ANKRD24: variants seen among roughly 807,000 people sequenced by gnomAD.
ANKRD24 encodes the protein ankyrin repeat domain 24.
ANKRD24 carries 109 observed loss-of-function variants against 127.8 expected under a neutral mutation model. The observed-to-expected ratio is 0.85, with a 90% confidence interval of 0.73 to 1.00. The LOEUF (loss-of-function observed/expected upper bound fraction) is 1.00. Ranked by LOEUF, ANKRD24 falls within the 50% of genes least tolerant of loss-of-function variation. ANKRD24 has a pLI of 0.00. For missense variants in ANKRD24, 1,648 were observed against 1,570.2 expected (o/e 1.05, Z -0.84); for synonymous variants, 743 against 671.1 (o/e 1.11, Z -1.66).
At position 4,184,793 on chromosome 19, in the gene ANKRD24, G is replaced by A. The variant is rs75344207; in HGVS notation, c.-36-1597G>A. Among the ~76,000 whole-genome samples, 694 of 150,256 alleles carry A rather than the reference G, an allele frequency of 4.6e-3. 7 individuals carry two copies. The highest frequency in any genetic ancestry group is 0.016 in the African/African-American group (662 of 40,836). Reference sequence around the variant, plus strand: ...AATGGATGGGTGGGTGGATGGATGGGGGGCGAATAGGTGGATTGGTGGTTT... The same window carrying A: ...AATGGATGGGTGGGTGGATGGATGGAGGGCGAATAGGTGGATTGGTGGTTT... On this transcript the variant is annotated intron_variant, in intron 1 of 21. Coordinates refer to ENST00000318934, the MANE Select transcript of ANKRD24 (RefSeq NM_001393985.1).
rs370271902 is a variant in ANKRD24 at position 4,222,745 on chromosome 19, G to T, written c.3247G>T (p.Glu1083Ter). Residue 1083 changes from glutamate (E) to a stop codon, truncating the protein, a stop_gained, in exon 20 of 22, where the codon GAG becomes TAG. Coordinates refer to ENST00000318934, the MANE Select transcript of ANKRD24 (RefSeq NM_001393985.1). LOFTEE classifies it high-confidence loss of function. ...GCAGCCGGCCGCCCTCGCCACCCCT[G>T]AGGTGGAGGCTCTCCGTGACCAGGT... is the stretch of plus-strand genomic sequence containing the variant. ...KEQPAALATP[E>*]VEALRDQVKD... 1.2e-5 allele frequency: 19 copies of T among 1,611,876 alleles called. No individual in the cohort carries two copies. Among genetic ancestry groups the T allele is most frequent in the Non-Finnish European group, 1.4e-5 (17 of 1,178,712 alleles).
At chr19:4,192,303 A>G (rs1382861329) in intron 2 of ANKRD24, among the ~76,000 whole-genome samples, 1 of 151,884 alleles carries the variant, frequency 6.6e-6, no homozygotes, top group Non-Finnish European at 1.5e-5. Flanking sequence ...GACTCCATAC[A>G]TCAATGCTTC....
chr19:4,224,342 C>A, intron 21 of ANKRD24, 86 bp from the exon 22 acceptor site: 1 of 1,487,288 alleles, frequency 6.7e-7, no homozygotes. Context: ...TCCCTCCTGG[C>A]TGGCTTGGTC....
At chr19:4,188,066 C>T (rs1968167816) in intron 2 of ANKRD24, among the ~76,000 whole-genome samples, 1 of 152,106 alleles carries the variant, frequency 6.6e-6, no homozygotes. Context: ...GCCTGGATTT[C>T]ATTTTTTATT....
Position 4,198,742 on chromosome 19 carries a change from A to T in ANKRD24, c.37-941A>T, listed in dbSNP as rs1328716487. On this transcript the variant is annotated intron_variant, in intron 2 of 21. Coordinates refer to ENST00000318934, the MANE Select transcript of ANKRD24 (RefSeq NM_001393985.1). The surrounding 1 kb of genome is among the most constrained non-coding windows in gnomAD (Gnocchi z 6.1). ...GAGACATGTGGACACGTTTTGGAAG[A>T]CTCTTTGAAACAAATGGGGACATTT... 6.6e-6 allele frequency among the ~76,000 whole-genome samples: 1 copy of T among 151,760 alleles called. No individual in the cohort carries two copies. The highest frequency in any genetic ancestry group is 1.9e-4 in the East Asian group (1 of 5,156).
rs778596061 is a variant in ANKRD24 at position 4,217,369 on chromosome 19, C to T, written c.2209C>T (p.Arg737Trp). Reference sequence around the variant, plus strand: ...GATCCGTGGCTTGGAGGAGGCTCTCCGGCAGCGGGAGCGGGAGGCAGCTGC... The same window carrying T: ...GATCCGTGGCTTGGAGGAGGCTCTCTGGCAGCGGGAGCGGGAGGCAGCTGC... ...TRIRGLEEAL[R>W]QREREAAAEL... Residue 737 changes from arginine to tryptophan, a missense_variant, in exon 18 of 22, where the codon CGG (arginine) becomes TGG (tryptophan). Transcript: ENST00000318934. 2.3e-5 allele frequency: 36 copies of T among 1,550,862 alleles called. No individual in the cohort carries two copies. In the African/African-American group the frequency reaches 3.8e-4, roughly 17 times the overall value.
intron 21 of ANKRD24, 45 bp downstream of exon 21, chr19:4,224,237 A>C (rs1247184732): frequency 6.4e-7 from 1 of 1,558,298 alleles, no homozygotes; most frequent in African/African-American, 1.4e-5. Context: ...TGGGCATACC[A>C]CTGTTGCTCT....
chr19:4,201,699 CAT>C lies in ANKRD24; in HGVS notation c.344-325_344-324del, dbSNP rs369009730. ...AGGAGTTCAAGACGAGCTTGGGCAA[CAT>C]AGCAAGACTCCTGTCTCTACAGAAA... On this transcript the variant is annotated intron_variant, in intron 5 of 21. Transcript: ENST00000318934. 1.6e-4 allele frequency among the ~76,000 whole-genome samples: 25 copies of C among 152,050 alleles called. No homozygotes were observed. The East Asian group carries it at 4.8e-3, about 29-fold the overall frequency.
Position 4,216,126 on chromosome 19 carries a change from G to A in ANKRD24, c.1270+76G>A. 2.0e-6 allele frequency: 3 copies of A among 1,484,424 alleles called. No individual in the cohort carries two copies. The South Asian group carries it at 3.6e-5, about 18-fold the overall frequency. 92.0% of individuals were successfully genotyped at this position (1,484,424 alleles called of 1,614,324 possible). A position where few individuals can be genotyped will look rare whatever the true frequency, so the allele number is the denominator to read the frequency against. On this transcript the variant is annotated intron_variant, in intron 16 of 21. Transcript: ENST00000318934. ...CTGGAAGACGGAGCCTCTGGGTGTG[G>A]GGGAGTTTGAAGCTGGGAGGGAGGT...
chr19:4,184,010 G>A (rs1460973425), intron 1 of ANKRD24, among the ~76,000 whole-genome samples: 2 of 152,230 alleles, frequency 1.3e-5, no homozygotes, highest in Non-Finnish European at 2.9e-5. Flanking sequence ...GGAACAGCAA[G>A]TGCAAAGGCT....
Position 4,202,886 on chromosome 19 carries a change from C to T in ANKRD24, c.426C>T (p.Asp142=), listed in dbSNP as rs773316878. 8.5e-5 allele frequency: 136 copies of T among 1,590,972 alleles called. No individual in the cohort carries two copies. Among genetic ancestry groups the T allele is most frequent in the Non-Finnish European group, 1.1e-4 (129 of 1,169,088 alleles). ...KQLLQASCVV[D]VVDSSGWTAL... is the part of the protein sequence containing the mutation. ...ATCCCCAGGCTTCCTGCGTGGTGGACGTCGTGGACAGCAGCGGGTGGACTG... is the reference window on the plus strand; with the variant it reads ...ATCCCCAGGCTTCCTGCGTGGTGGATGTCGTGGACAGCAGCGGGTGGACTG... Residue 142 remains aspartate, a synonymous_variant, in exon 7 of 22, where the codon GAC becomes GAT. Transcript: ENST00000318934.
At chr19:4,183,956 C>T (rs891866846) in intron 1 of ANKRD24, among the ~76,000 whole-genome samples, 1 of 151,962 alleles carries the variant, frequency 6.6e-6, no homozygotes, top group African/African-American at 2.4e-5. Context: ...CAGGTAGAGC[C>T]GGTTGGGGTG....
chr19:4,213,456 CTTTTT>C (rs769606619), intron 15 of ANKRD24, among the ~76,000 whole-genome samples: 1 of 118,658 alleles, frequency 8.4e-6, no homozygotes, highest in African/African-American at 3.5e-5. Context: ...ATCCTTCCTT[CTTTTT>C]TTTTTTTTTT....
Position 4,199,400 on chromosome 19 carries a change from C to CG in ANKRD24, c.37-279dup, listed in dbSNP as rs1968954130. On this transcript the variant is annotated intron_variant, in intron 2 of 21. Transcript: ENST00000318934. The surrounding 1 kb of genome is among the most constrained non-coding windows in gnomAD (Gnocchi z 5.2). ...TGATGATTTTTATTTTTTGTAGAGA[C>CG]GGGGTCCTACTATGGTGCCCAGGTT... The CG allele has an allele frequency of 5.2e-6, 3 of 578,202 alleles. No homozygotes were observed. Among genetic ancestry groups the CG allele is most frequent in the Non-Finnish European group, 6.5e-6 (3 of 458,236 alleles). 35.8% of individuals were successfully genotyped at this position (578,202 alleles called of 1,614,324 possible).
Position 4,217,829 on chromosome 19 carries a change from C to T in ANKRD24, c.2669C>T (p.Ala890Val). Reference sequence around the variant, plus strand: ...GAGGCCCGAGTGGCTGAGCTGCCTGCGGCCTGCGAGGAGGCGCGGCAGGGC... The same window carrying T: ...GAGGCCCGAGTGGCTGAGCTGCCTGTGGCCTGCGAGGAGGCGCGGCAGGGC... ...AAEARVAELPAACEEARQGLA... is the reference protein window; with the variant it reads ...AAEARVAELPVACEEARQGLA... Residue 890 changes from alanine to valine, a missense_variant, in exon 18 of 22, where the codon GCG becomes GTG. Physicochemically the swap from Ala to Val is moderately conservative, Grantham distance 64. Transcript: ENST00000318934. 2.1e-6 allele frequency: 3 copies of T among 1,416,118 alleles called. No homozygotes were observed. Among genetic ancestry groups the T allele is most frequent in the South Asian group, 1.4e-5 (1 of 71,458 alleles). 87.7% of individuals were successfully genotyped at this position (1,416,118 alleles called of 1,614,324 possible).
In ANKRD24 at chr19:4,207,506, C is replaced by G; in HGVS notation, c.543C>G (p.Gly181=). The G allele has an allele frequency of 6.2e-7, 1 of 1,613,756 alleles. No homozygotes were observed. Among genetic ancestry groups the G allele is most frequent in the East Asian group, 2.2e-5 (1 of 44,876 alleles). Residue 181 remains glycine (G), a synonymous_variant, in exon 9 of 22, where the codon GGC becomes GGG. Transcript: ENST00000318934. ...TCCCTCCTCCTCCCTACCAGTCAGG[C>G]GCAACACCCCTCATTATAGCAGCTC... ...KAHLNPQDRS[G]ATPLIIAAQM...
chr19:4,221,578 T>G (rs1392395516), intron 19 of ANKRD24, among the ~76,000 whole-genome samples: 1 of 152,140 alleles, frequency 6.6e-6, no homozygotes, highest in Non-Finnish European at 1.5e-5. Context: ...ACCAAAGCTT[T>G]AAGAGATGAA....
At position 4,201,986 on chromosome 19, in the gene ANKRD24, G is replaced by A; in HGVS notation, c.344-40G>A. ...CTTGGGGAGCAGCTGGGAGCTACTT[G>A]AATAGCTGGAGCTCCAGTAAATCTT... On this transcript the variant is annotated intron_variant, in intron 5 of 21. Transcript: ENST00000318934. The A allele has an allele frequency of 1.9e-6, 3 of 1,587,020 alleles. No individual in the cohort carries two copies. The South Asian group carries it at 3.3e-5, about 18-fold the overall frequency.
chr19:4,187,284 G>A (rs1198314975), intron 2 of ANKRD24, among the ~76,000 whole-genome samples: 1 of 152,108 alleles, frequency 6.6e-6, no homozygotes, highest in Non-Finnish European at 1.5e-5. Flanking sequence ...ACGGTGGCGG[G>A]CACCTGTAAT....
Sources: gnomAD v4.1 joint callset for allele counts (sites outside exome capture counted in the v4.1 genomes callset) on GRCh38, gnomAD v4.1.1 for gene constraint, Gnocchi (gnomAD v3.1) non-coding constraint, MANE v1.5 for transcripts, NCBI Gene and HGNC (gene_info 2026-07-23, HGNC 2026-07-21) for gene names.